Variants in ZBTB20 observed in about 807,000 individuals in gnomAD.
The protein encoded by ZBTB20 is zinc finger and BTB domain containing 20.
A neutral mutation model predicts 56.9 loss-of-function variants in ZBTB20; 9 were observed. That is an observed-to-expected ratio of 0.16 (90% CI 0.10 to 0.28). The LOEUF is 0.28. Ranked by LOEUF, ZBTB20 falls within the 10% of genes least tolerant of loss-of-function variation. The pLI is 1.00. For synonymous variants in ZBTB20, 417 were observed against 420.7 expected (o/e 0.99, Z 0.11); for missense variants, 655 against 1,003.0 (o/e 0.65, Z 4.69).
chr3:114,847,036 T>TA (rs1357289872), intron 4 of ZBTB20, among the ~76,000 whole-genome samples: 1 of 152,152 alleles, frequency 6.6e-6, no homozygotes, highest in Non-Finnish European at 1.5e-5. Context: ...ACTCCACAGT[T>TA]AAAGTATATT....
intron 6 of ZBTB20, among the ~76,000 whole-genome samples, chr3:114,506,260 C>G (rs2109746105): frequency 6.6e-6 from 1 of 152,128 alleles, no homozygotes; most frequent in South Asian, 2.1e-4. Flanking sequence ...GGCCTGCCTT[C>G]AAAATTTTGA....
Position 114,315,794 on chromosome 3 carries a change from CAGATA to C in ZBTB20, c.*23206_*23210del, listed in dbSNP as rs1196863020. ...AAACTTCATTGAGAACATACATGCC[CAGATA>C]TCTCTTCTGTGCACATGTATATGTT... On this transcript the variant is annotated 3_prime_UTR_variant, in exon 12 of 12. Coordinates refer to ENST00000675478, the MANE Select transcript of ZBTB20 (RefSeq NM_001348800.3). 1 of 152,280 alleles carries C rather than the reference CAGATA, an allele frequency of 6.6e-6. No individual in the cohort carries two copies. The highest frequency in any genetic ancestry group is 2.4e-5 in the African/African-American group (1 of 41,416). 9.4% of individuals were successfully genotyped at this position (152,280 alleles called of 1,614,324 possible).
chr3:115,015,670 T>C (rs1044523192), intron 2 of ZBTB20, among the ~76,000 whole-genome samples: 2 of 152,028 alleles, frequency 1.3e-5, no homozygotes, highest in South Asian at 2.1e-4. Flanking sequence ...TATGGCTGCA[T>C]AGTATTCCAT....
intron 10 of ZBTB20, among the ~76,000 whole-genome samples, chr3:114,369,224 T>A (rs574404176): frequency 6.6e-6 from 1 of 152,356 alleles, no homozygotes; most frequent in Non-Finnish European, 1.5e-5. Flanking sequence ...TTTGTAGTAT[T>A]CTACATGCCA....
At chr3:114,432,077 T>A (rs1018902889) in intron 7 of ZBTB20, among the ~76,000 whole-genome samples, 4 of 152,056 alleles carry the variant, frequency 2.6e-5, no homozygotes, top group Non-Finnish European at 4.4e-5. Flanking sequence ...CACACTTATA[T>A]TTTGCTAATG....
chr3:114,602,035 C>G (rs902563570), intron 6 of ZBTB20, among the ~76,000 whole-genome samples: 2 of 151,966 alleles, frequency 1.3e-5, no homozygotes, highest in Admixed American at 1.3e-4. Context: ...TACGTTAGAT[C>G]AGTGGTAGAG....
rs1393575319 is a variant in ZBTB20, at chr3:114,325,295, T to C, written c.*13710A>G. 6.6e-6 allele frequency: 1 copy of C among 152,162 alleles called. No homozygotes were observed. The highest frequency in any genetic ancestry group is 1.5e-5 in the Non-Finnish European group (1 of 68,028). The allele number at this position is 152,162 out of a possible 1,614,324, so 9.4% of individuals were successfully genotyped here. On this transcript the variant is annotated 3_prime_UTR_variant, in exon 12 of 12. Coordinates refer to ENST00000675478, the MANE Select transcript of ZBTB20 (RefSeq NM_001348800.3). ...TCTACAGCTGGTTCCAAATTAAAGTTTGTCCCAAGGAGAGCAAGAGCAGAG... is the reference window on the plus strand; with the variant it reads ...TCTACAGCTGGTTCCAAATTAAAGTCTGTCCCAAGGAGAGCAAGAGCAGAG...
intron 7 of ZBTB20, among the ~76,000 whole-genome samples, chr3:114,464,440 G>A (rs974597550): frequency 6.6e-6 from 1 of 152,100 alleles, no homozygotes; most frequent in Non-Finnish European, 1.5e-5. Flanking sequence ...TGGTGATGGG[G>A]AGGCTCTATG....
chr3:114,359,134 T>C (rs1372779190), intron 10 of ZBTB20, among the ~76,000 whole-genome samples: 1 of 152,194 alleles, frequency 6.6e-6, no homozygotes, highest in Non-Finnish European at 1.5e-5. Context: ...TTATTAACAA[T>C]TGAATATTAA....
intron 2 of ZBTB20, among the ~76,000 whole-genome samples, chr3:114,978,010 CA>C (rs764420792): frequency 3.3e-3 from 184 of 56,558 alleles, no homozygotes; most frequent in Admixed American, 4.8e-3. Flanking sequence ...GACCCAGTCT[CA>C]AAAAAAAAAA....
At chr3:114,759,623 G>A (rs773961845) in intron 5 of ZBTB20, among the ~76,000 whole-genome samples, 1 of 152,066 alleles carries the variant, frequency 6.6e-6, no homozygotes, top group Non-Finnish European at 1.5e-5. Flanking sequence ...TGGAAACACA[G>A]AAGTATGAGT....
chr3:114,656,399 A>AT (rs1207522052), intron 6 of ZBTB20, among the ~76,000 whole-genome samples: 1 of 152,150 alleles, frequency 6.6e-6, no homozygotes, highest in African/African-American at 2.4e-5. Flanking sequence ...CCAACAAATC[A>AT]TTTTTTATTT....
intron 1 of ZBTB20, among the ~76,000 whole-genome samples, chr3:115,083,156 A>G (rs888710647): frequency 6.6e-6 from 1 of 152,072 alleles, no homozygotes; most frequent in African/African-American, 2.4e-5. Flanking sequence ...TTCTCTCAGC[A>G]TACAACTATT....
chr3:114,858,996 G>A (rs950486708), intron 4 of ZBTB20, among the ~76,000 whole-genome samples: 3 of 152,060 alleles, frequency 2.0e-5, no homozygotes, highest in African/African-American at 7.2e-5. Context: ...TGAAGTTTGA[G>A]CTATCATTAT....
At chr3:114,622,297 C>T (rs1180872535) in intron 6 of ZBTB20, among the ~76,000 whole-genome samples, 1 of 151,980 alleles carries the variant, frequency 6.6e-6, no homozygotes, top group African/African-American at 2.4e-5. Flanking sequence ...CACCATTTCC[C>T]TTTCAACTTT....
At chr3:114,734,005 G>A (rs531853461) in intron 5 of ZBTB20, among the ~76,000 whole-genome samples, 3 of 152,008 alleles carry the variant, frequency 2.0e-5, no homozygotes, top group South Asian at 2.1e-4. Flanking sequence ...CACAAGATAC[G>A]GTATCCCCAA....
Position 114,320,849 on chromosome 3 carries a change from C to A in ZBTB20, c.*18156G>T, listed in dbSNP as rs991010313. 2.0e-5 allele frequency: 3 copies of A among 151,882 alleles called. No homozygotes were observed. The highest frequency in any genetic ancestry group is 7.3e-5 in the African/African-American group (3 of 41,296). The allele number at this position is 151,882 out of a possible 1,614,324, so 9.4% of individuals were successfully genotyped here. Reference sequence around the variant, plus strand: ...AAATATAAAGAAATTATAATCAGGGCAACAGATTAAAATGAAAAGGGGTAT... The same window carrying A: ...AAATATAAAGAAATTATAATCAGGGAAACAGATTAAAATGAAAAGGGGTAT... On this transcript the variant is annotated 3_prime_UTR_variant, in exon 12 of 12. Transcript: ENST00000675478.
rs143978149 is a variant in ZBTB20 at position 114,877,713 on chromosome 3, A to G, written c.-417+22591T>C. ...AAAATCTATTTTAATAATTTTTTCT[A>G]TAACTGTCCACAAAAGTTTGGGCTT... On this transcript the variant is annotated intron_variant, in intron 4 of 11. Transcript: ENST00000675478. Among the ~76,000 whole-genome samples the G allele has an allele frequency of 9.8e-5, 15 of 152,312 alleles. No homozygotes were observed. In the East Asian group the frequency reaches 2.7e-3, roughly 27 times the overall value.
intron 4 of ZBTB20, among the ~76,000 whole-genome samples, chr3:114,845,724 G>A (rs72958205): frequency 0.012 from 1,750 of 151,956 alleles, 35 homozygotes; most frequent in African/African-American, 0.04. Flanking sequence ...TTGTTTAAGC[G>A]CTATTCCAGC....
Sources: gnomAD v4.1 joint callset for allele counts (sites outside exome capture counted in the v4.1 genomes callset) on GRCh38, gnomAD v4.1.1 for gene constraint, MANE v1.5 for transcripts, NCBI Gene and HGNC (gene_info 2026-07-23, HGNC 2026-07-21) for gene names.